CLSTN1: variants seen among roughly 807,000 people sequenced by gnomAD.
The protein encoded by CLSTN1 is calsyntenin 1, also known as calsyntenin-1.
CLSTN1 carries 28 observed loss-of-function variants against 108.3 expected under a neutral mutation model. That is an observed-to-expected ratio of 0.26 (90% confidence interval 0.19 to 0.35). The LOEUF is 0.35. Ranked by LOEUF, CLSTN1 falls within the 10% of genes least tolerant of loss-of-function variation. The pLI, the probability that CLSTN1 is intolerant of heterozygous loss-of-function variation, is 1.00. For missense variants in CLSTN1, 1,157 were observed against 1,302.6 expected (o/e 0.89, Z 1.72); for synonymous variants, 524 against 534.9 (o/e 0.98, Z 0.28).
chr1:9,773,038 GA>G (rs1488336742), intron 2 of CLSTN1, among the ~76,000 whole-genome samples: 1 of 151,828 alleles, frequency 6.6e-6, no homozygotes, highest in African/African-American at 2.4e-5. Context: ...TTAAGATAAA[GA>G]AAAAAATTAT....
chr1:9,779,691 T>C (rs1302361091), intron 1 of CLSTN1, among the ~76,000 whole-genome samples: 1 of 152,116 alleles, frequency 6.6e-6, no homozygotes, highest in Non-Finnish European at 1.5e-5. Flanking sequence ...CCTCCCAAAG[T>C]GCTGGGATTA....
rs36003203 is a variant in CLSTN1 at position 9,786,648 on chromosome 1, CAAAA to C, written c.92-13258_92-13255del. ...GGCTGACAAGAGTGAGACTCCGTCT[CAAAA>C]AAAAAAAAAAAAAAAAAAAAACAAA... On this transcript the variant is annotated intron_variant, in intron 1 of 18. Transcript: ENST00000377298. 6.2e-3 allele frequency among the ~76,000 whole-genome samples: 230 copies of C among 37,034 alleles called. 2 individuals are homozygous for C. In the East Asian group the frequency reaches 0.085, roughly 14 times the overall value. 24.3% of individuals were successfully genotyped at this position (37,034 alleles called of 152,430 possible). A position where few individuals can be genotyped will look rare whatever the true frequency, so the allele number is the denominator to read the frequency against.
At chr1:9,768,029 T>C (rs1652433113) in intron 2 of CLSTN1, among the ~76,000 whole-genome samples, 1 of 152,156 alleles carries the variant, frequency 6.6e-6, no homozygotes, top group Non-Finnish European at 1.5e-5. Flanking sequence ...TCTTATCCTT[T>C]TACAAATGAT....
intron 7 of CLSTN1, among the ~76,000 whole-genome samples, chr1:9,746,971 G>A (rs1651297258): frequency 6.6e-6 from 1 of 151,786 alleles, no homozygotes; most frequent in African/African-American, 2.4e-5. Flanking sequence ...CTTGAGGTCA[G>A]GAGTTGGAGA....
At chr1:9,793,975 G>T (rs1490745947) in intron 1 of CLSTN1, among the ~76,000 whole-genome samples, 1 of 151,316 alleles carries the variant, frequency 6.6e-6, no homozygotes, top group Non-Finnish European at 1.5e-5. Context: ...ATTCGCATTG[G>T]GTTAGAACTC....
chr1:9,797,739 G>T (rs1654073983), intron 1 of CLSTN1, among the ~76,000 whole-genome samples: 1 of 152,162 alleles, frequency 6.6e-6, no homozygotes, highest in Non-Finnish European at 1.5e-5. Flanking sequence ...GGAAATGAAA[G>T]AAGCTGATAC....
intron 1 of CLSTN1, among the ~76,000 whole-genome samples, chr1:9,798,105 A>AGAGAGAGGGAGAGAGG (rs200574835): frequency 7.6e-6 from 1 of 132,134 alleles, no homozygotes; most frequent in African/African-American, 2.8e-5. Flanking sequence ...CAACAAAGAA[A>AGAGAGAGGGAGAGAGG]GAGAGAGGGA....
At chr1:9,813,937 A>G (rs1033949758) in intron 1 of CLSTN1, among the ~76,000 whole-genome samples, 2 of 151,680 alleles carry the variant, frequency 1.3e-5, no homozygotes, top group African/African-American at 4.8e-5. Flanking sequence ...GTCTCTACTA[A>G]AAATACAAAA....
intron 1 of CLSTN1, among the ~76,000 whole-genome samples, chr1:9,817,640 T>C (rs1245706538): frequency 2.0e-5 from 3 of 152,168 alleles, no homozygotes; most frequent in Non-Finnish European, 4.4e-5. Flanking sequence ...CTTTCAGATG[T>C]TTTATAGGCA....
rs114667870 is a variant in CLSTN1 at position 9,794,212 on chromosome 1, C to T, written c.92-20818G>A. ...AGCCCTGAGCTTTCTTCAGTTTATACCTTGTCCAGAGAATTAAATACACAG... is the reference window on the plus strand; with the variant it reads ...AGCCCTGAGCTTTCTTCAGTTTATATCTTGTCCAGAGAATTAAATACACAG... On this transcript the variant is annotated intron_variant, in intron 1 of 18. Transcript: ENST00000377298. Among the ~76,000 whole-genome samples, 837 of 151,598 alleles carry T rather than the reference C, an allele frequency of 5.5e-3. 14 individuals are homozygous for T. The highest frequency in any genetic ancestry group is 0.019 in the African/African-American group (809 of 41,532).
chr1:9,773,399 G>A lies in CLSTN1; in HGVS notation c.92-5C>T. The A allele has an allele frequency of 1.9e-6, 3 of 1,586,080 alleles. No homozygotes were observed. Among genetic ancestry groups the A allele is most frequent in the Non-Finnish European group, 2.6e-6 (3 of 1,166,836 alleles). ...GCCAGGGCTTGTGCTTGTTAACTGT[G>A]TTTAAAACAAGAGAAAAAAATAGAC... On this transcript the variant is annotated splice_region_variant and splice_polypyrimidine_tract_variant and intron_variant, in intron 1 of 18. Coordinates refer to ENST00000377298, the MANE Select transcript of CLSTN1 (RefSeq NM_001009566.3).
In CLSTN1 at chr1:9,755,203, G is replaced by A. The variant is rs754996306; in HGVS notation, c.351C>T (p.Asp117=). ...EGVIRSKEKL[D]CELQKDYSFT... ...ATGAATAGTCTTTCTGCAGCTCACA[G>A]TCCAGTTTCTCTTTGGAGCGAATGA... The change falls in exon 4 of 19, where the codon GAC becomes GAT. Residue 117 remains aspartate, a synonymous_variant. Transcript: ENST00000377298. 1 of 1,614,118 alleles carries A rather than the reference G, an allele frequency of 6.2e-7. No individual in the cohort carries two copies. The highest frequency in any genetic ancestry group is 8.5e-7 in the Non-Finnish European group (1 of 1,180,012).
chr1:9,765,047 G>A (rs1403040498), intron 2 of CLSTN1, among the ~76,000 whole-genome samples: 4 of 152,040 alleles, frequency 2.6e-5, no homozygotes, highest in Non-Finnish European at 5.9e-5. Context: ...CGATTAAGCT[G>A]AAGCATGTGA....
In CLSTN1 at chr1:9,736,840, G is replaced by A. The variant is rs1052473682; in HGVS notation, c.1576+658C>T. Among the ~76,000 whole-genome samples, 7 of 152,148 alleles carry A rather than the reference G, an allele frequency of 4.6e-5. No homozygotes were observed. In the East Asian group the frequency reaches 5.8e-4, roughly 13 times the overall value. On this transcript the variant is annotated intron_variant, in intron 11 of 18. Transcript: ENST00000377298. Reference sequence around the variant, plus strand: ...TGTAATCCCAGCGCTTCAGGAGGCCGAGGCGGGTGGATCACCTGAGGTCAG... The same window carrying A: ...TGTAATCCCAGCGCTTCAGGAGGCCAAGGCGGGTGGATCACCTGAGGTCAG...
At chr1:9,743,227 T>C (rs1305240238) in intron 9 of CLSTN1, among the ~76,000 whole-genome samples, 1 of 152,152 alleles carries the variant, frequency 6.6e-6, no homozygotes, top group Non-Finnish European at 1.5e-5. Context: ...CTGTAGCACG[T>C]GGGGTTTTTC....
chr1:9,791,402 T>C (rs1653764273), intron 1 of CLSTN1, among the ~76,000 whole-genome samples: 2 of 151,302 alleles, frequency 1.3e-5, no homozygotes, highest in African/African-American at 2.4e-5. Flanking sequence ...CAGCTAGTTT[T>C]AAAATTTTTT....
intron 1 of CLSTN1, among the ~76,000 whole-genome samples, chr1:9,803,497 GTGGTAGTTA>G (rs1654374382): frequency 6.6e-6 from 1 of 152,136 alleles, no homozygotes; most frequent in South Asian, 2.1e-4. Context: ...GTCTTTTATC[GTGGTAGTTA>G]TAAAAATGTT....
rs1045137426 is a variant in CLSTN1, at chr1:9,729,968, T to C, written c.*540A>G. On this transcript the variant is annotated 3_prime_UTR_variant, in exon 19 of 19. Transcript: ENST00000377298. ...TTCACTTTACATTCCAGTCCCGGGTTACACTAGCACAAAGGACACAAGGAA... is the reference window on the plus strand; with the variant it reads ...TTCACTTTACATTCCAGTCCCGGGTCACACTAGCACAAAGGACACAAGGAA... 1 of 157,792 alleles carries C rather than the reference T, an allele frequency of 6.3e-6. No homozygotes were observed. The highest frequency in any genetic ancestry group is 2.4e-5 in the African/African-American group (1 of 41,500). The allele number at this position is 157,792 out of a possible 1,614,324, so 9.8% of individuals were successfully genotyped here.
At chr1:9,818,986 G>T (rs1057435560) in intron 1 of CLSTN1, among the ~76,000 whole-genome samples, 2 of 150,222 alleles carry the variant, frequency 1.3e-5, no homozygotes, top group Non-Finnish European at 3.0e-5. Context: ...GAGACAGATG[G>T]GGTTTCACCG....
Sources: gnomAD v4.1 joint callset for allele counts (sites outside exome capture counted in the v4.1 genomes callset) on GRCh38, gnomAD v4.1.1 for gene constraint, MANE v1.5 for transcripts, NCBI Gene and HGNC (gene_info 2026-07-23, HGNC 2026-07-21) for gene names.